Variants in TTC29 observed in about 807,000 individuals in gnomAD.
The protein encoded by TTC29 is tetratricopeptide repeat domain 29.
TTC29 carries 49 observed loss-of-function variants against 58.1 expected under a neutral mutation model. The ratio of observed to expected loss-of-function variants is 0.84; its 90% CI spans 0.67 to 1.07. TTC29 has a LOEUF of 1.07. Ranked by LOEUF, TTC29 falls within the 50% of genes least tolerant of loss-of-function variation. The pLI is 0.00. For missense variants in TTC29, 582 were observed against 555.6 expected, an observed-to-expected ratio of 1.05 and a Z score of -0.48; for synonymous variants, 209 against 196.8, an observed-to-expected ratio of 1.06 and a Z score of -0.52.
At chr4:146,931,598 C>T (rs1018060020) in intron 4 of TTC29, among the ~76,000 whole-genome samples, 6 of 152,108 alleles carry the variant, frequency 3.9e-5, no homozygotes, top group Non-Finnish European at 8.8e-5. Context: ...AGTTTTCAAC[C>T]ACAGAAGGAA....
intron 4 of TTC29, among the ~76,000 whole-genome samples, chr4:146,920,263 G>A (rs1340210758): frequency 6.6e-6 from 1 of 150,888 alleles, no homozygotes; most frequent in Non-Finnish European, 1.5e-5. Flanking sequence ...TACATGAGGA[G>A]CTTTCTCTGA....
intron 11 of TTC29, among the ~76,000 whole-genome samples, chr4:146,716,967 C>T (rs1404975213): frequency 1.3e-5 from 2 of 152,168 alleles, no homozygotes; most frequent in Admixed American, 6.5e-5. Flanking sequence ...ATTAACATTT[C>T]CTGGAGCTTG....
intron 6 of TTC29, among the ~76,000 whole-genome samples, chr4:146,888,270 C>T (rs1432113888): frequency 1.3e-5 from 2 of 152,008 alleles, no homozygotes; most frequent in Non-Finnish European, 2.9e-5. Context: ...AACAATGGAG[C>T]AGAGAGATTA....
chr4:146,840,813 T>G (rs1728807383), intron 8 of TTC29, among the ~76,000 whole-genome samples: 1 of 152,126 alleles, frequency 6.6e-6, no homozygotes, highest in Admixed American at 6.6e-5. Context: ...ATCTGTATTT[T>G]AAAGGAATAA....
chr4:146,941,123 G>A (rs1736349803), intron 2 of TTC29, among the ~76,000 whole-genome samples: 1 of 152,146 alleles, frequency 6.6e-6, no homozygotes, highest in Non-Finnish European at 1.5e-5. Context: ...TAGAAAAATT[G>A]TTACATGGTG....
chr4:146,873,856 C>T (rs1233086238), intron 7 of TTC29, among the ~76,000 whole-genome samples: 1 of 152,076 alleles, frequency 6.6e-6, no homozygotes, highest in Non-Finnish European at 1.5e-5. Flanking sequence ...TCTTAATAAG[C>T]CATCTATTAC....
intron 11 of TTC29, among the ~76,000 whole-genome samples, chr4:146,769,746 T>G (rs1350829102): frequency 6.6e-6 from 1 of 152,094 alleles, no homozygotes; most frequent in Non-Finnish European, 1.5e-5. Flanking sequence ...TTAGTTCTGA[T>G]GCTTTTCTGT....
chr4:146,943,567 G>A (rs1442496902), intron 2 of TTC29, among the ~76,000 whole-genome samples: 1 of 152,072 alleles, frequency 6.6e-6, no homozygotes, highest in Non-Finnish European at 1.5e-5. Flanking sequence ...TATGCCCATC[G>A]GGAAAGTGAA....
intron 4 of TTC29, among the ~76,000 whole-genome samples, chr4:146,932,585 G>C (rs6537436): frequency 0.64 from 96,925 of 151,966 alleles, 32,775 homozygotes; most frequent in African/African-American, 0.86. Context: ...AATCCAGAAG[G>C]TAGATTTGCA....
At chr4:146,765,719 A>T (rs1747260143) in intron 11 of TTC29, among the ~76,000 whole-genome samples, 1 of 152,144 alleles carries the variant, frequency 6.6e-6, no homozygotes, top group South Asian at 2.1e-4. Flanking sequence ...GAGTGAATGG[A>T]TTAGACAAGC....
intron 11 of TTC29, among the ~76,000 whole-genome samples, chr4:146,747,060 C>T (rs1225156749): frequency 6.6e-6 from 1 of 152,092 alleles, no homozygotes; most frequent in Non-Finnish European, 1.5e-5. Context: ...AAACTTCTCC[C>T]TATGGAAGAA....
At chr4:146,869,412 T>G (rs1393304003) in intron 7 of TTC29, among the ~76,000 whole-genome samples, 1 of 152,186 alleles carries the variant, frequency 6.6e-6, no homozygotes, top group African/African-American at 2.4e-5. Context: ...AGATCTCACT[T>G]TAGCAGAGTT....
intron 11 of TTC29, among the ~76,000 whole-genome samples, chr4:146,724,087 C>T (rs1287099367): frequency 6.6e-6 from 1 of 152,152 alleles, no homozygotes; most frequent in Non-Finnish European, 1.5e-5. Flanking sequence ...ATGGATGCAG[C>T]TGGAGGCCAT....
chr4:146,892,690 C>T (rs889738074), intron 6 of TTC29, among the ~76,000 whole-genome samples: 5 of 152,130 alleles, frequency 3.3e-5, no homozygotes, highest in Admixed American at 6.6e-5. Context: ...CCAGGGCAAT[C>T]AGGCAGGAGA....
intron 4 of TTC29, among the ~76,000 whole-genome samples, chr4:146,909,513 G>T (rs991493156): frequency 2.6e-5 from 4 of 152,070 alleles, no homozygotes; most frequent in African/African-American, 7.2e-5. Flanking sequence ...AGCTCCATTT[G>T]ATAAGGACAA....
At chr4:146,770,095 C>T (rs1235811335) in intron 11 of TTC29, among the ~76,000 whole-genome samples, 1 of 151,882 alleles carries the variant, frequency 6.6e-6, no homozygotes, top group Non-Finnish European at 1.5e-5. Context: ...CTAGTTGTTC[C>T]TTAGGCTCAC....
At chr4:146,714,990 G>A (rs1742821847) in intron 11 of TTC29, among the ~76,000 whole-genome samples, 1 of 151,122 alleles carries the variant, frequency 6.6e-6, no homozygotes, top group African/African-American at 2.5e-5. Context: ...ATGCCACCAT[G>A]TCTGGCTAAT....
chr4:146,756,552 T>C (rs1444098773), intron 11 of TTC29, among the ~76,000 whole-genome samples: 1 of 152,128 alleles, frequency 6.6e-6, no homozygotes, highest in Non-Finnish European at 1.5e-5. Context: ...GTTGCCTCCA[T>C]ATGGACAAGT....
intron 8 of TTC29, among the ~76,000 whole-genome samples, chr4:146,862,772 G>A (rs940830324): frequency 4.6e-5 from 7 of 152,112 alleles, no homozygotes; most frequent in African/African-American, 9.7e-5. Context: ...GCTGGAATAC[G>A]CCCTTGCCTA....
Sources: gnomAD v4.1 joint callset for allele counts (sites outside exome capture counted in the v4.1 genomes callset) on GRCh38, gnomAD v4.1.1 for gene constraint, MANE v1.5 for transcripts, NCBI Gene and HGNC (gene_info 2026-07-23, HGNC 2026-07-21) for gene names.